Variants in MALRD1 observed in about 807,000 individuals in gnomAD.
The protein encoded by MALRD1 is MAM and LDL-receptor class A domain-containing protein 1.
A neutral mutation model predicts 242.1 loss-of-function variants in MALRD1; 247 were observed. The observed-to-expected ratio is 1.02, with a 90% CI of 0.92 to 1.13. MALRD1 has a LOEUF of 1.13. MALRD1 is among the 50% of genes most tolerant of loss of function. The probability of loss-of-function intolerance (pLI) is 0.00; values close to 1 mark genes in which losing one functional copy is unlikely to be tolerated. For synonymous variants in MALRD1, 995 were observed against 866.6 expected (o/e 1.15, Z -2.60); for missense variants, 2,989 against 2,533.1 (o/e 1.18, Z -3.86).
At chr10:19,427,686 T>C (rs1335886141) in intron 28 of MALRD1, among the ~76,000 whole-genome samples, 1 of 152,174 alleles carries the variant, frequency 6.6e-6, no homozygotes, top group Non-Finnish European at 1.5e-5. Flanking sequence ...TAATAGGGCT[T>C]CTAGGGGTTA....
intron 32 of MALRD1, among the ~76,000 whole-genome samples, chr10:19,531,684 A>G (rs1209912811): frequency 1.3e-5 from 2 of 152,232 alleles, no homozygotes; most frequent in Admixed American, 6.5e-5. Flanking sequence ...ATGTGATGTG[A>G]TGCATAATGG....
intron 19 of MALRD1, among the ~76,000 whole-genome samples, chr10:19,270,527 AAG>A (rs1479930884): frequency 2.0e-5 from 3 of 152,068 alleles, no homozygotes; most frequent in African/African-American, 7.2e-5. Context: ...GAGAGAAAAA[AAG>A]AGAGAGTATT....
intron 38 of MALRD1, among the ~76,000 whole-genome samples, chr10:19,704,124 CAGAATTTTTTTT>C (rs2131853586): frequency 8.3e-6 from 1 of 121,196 alleles, no homozygotes; most frequent in South Asian, 2.4e-4. Flanking sequence ...AGTTAAAAAT[CAGAATTTTTTTT>C]TAGCTATGCT....
intron 18 of MALRD1, among the ~76,000 whole-genome samples, chr10:19,250,939 T>A (rs941438817): frequency 1.3e-5 from 2 of 151,940 alleles, no homozygotes; most frequent in African/African-American, 4.8e-5. Flanking sequence ...TACATCTTTT[T>A]TGATTTCTCT....
intron 5 of MALRD1, among the ~76,000 whole-genome samples, chr10:19,105,312 C>T (rs1029694645): frequency 1.3e-5 from 2 of 151,906 alleles, no homozygotes; most frequent in African/African-American, 2.4e-5. Flanking sequence ...ATTCCAGATT[C>T]ATCCATATTG....
At chr10:19,314,946 A>G (rs1842581682) in intron 21 of MALRD1, among the ~76,000 whole-genome samples, 1 of 149,988 alleles carries the variant, frequency 6.7e-6, no homozygotes, top group African/African-American at 2.4e-5. Context: ...TTTATCAAGA[A>G]AATCTTGCTA....
In MALRD1 at chr10:19,527,094, C is replaced by T. The variant is rs191522996; in HGVS notation, c.5321-4100C>T. Among the ~76,000 whole-genome samples the T allele has an allele frequency of 7.2e-5, 11 of 152,154 alleles. No individual in the cohort carries two copies. In the East Asian group the frequency reaches 1.4e-3, roughly 19 times the overall value. ...TGTGCAGTAATTTTCCAAGTACCTG[C>T]GATGTTGTTAGAATATTTTTCAAGT... On this transcript the variant is annotated intron_variant, in intron 31 of 39. Transcript: ENST00000454679.
At chr10:19,113,305 A>T (rs1461176408) in intron 5 of MALRD1, among the ~76,000 whole-genome samples, 1 of 152,070 alleles carries the variant, frequency 6.6e-6, no homozygotes, top group Non-Finnish European at 1.5e-5. Context: ...GTCCTCCTTC[A>T]CAATTCCCCC....
At chr10:19,202,209 A>G (rs1199835133) in intron 14 of MALRD1, among the ~76,000 whole-genome samples, 1 of 152,028 alleles carries the variant, frequency 6.6e-6, no homozygotes, top group African/African-American at 2.4e-5. Context: ...TTGCATATTA[A>G]GTGTAGATGT....
intron 32 of MALRD1, among the ~76,000 whole-genome samples, chr10:19,544,841 CTA>C (rs1195873531): frequency 3.3e-5 from 5 of 152,064 alleles, no homozygotes; most frequent in Non-Finnish European, 7.4e-5. Flanking sequence ...TCAAGTAAAA[CTA>C]TGCATTTTAC....
intron 28 of MALRD1, among the ~76,000 whole-genome samples, chr10:19,431,346 T>G (rs1207650516): frequency 1.5e-5 from 2 of 134,836 alleles, no homozygotes; most frequent in Non-Finnish European, 3.2e-5. Flanking sequence ...TTCATTAGTA[T>G]AGTTTGAGAG....
At chr10:19,635,263 C>CA (rs1840077156) in intron 36 of MALRD1, among the ~76,000 whole-genome samples, 1 of 152,046 alleles carries the variant, frequency 6.6e-6, no homozygotes, top group Non-Finnish European at 1.5e-5. Flanking sequence ...CTCATGGTAA[C>CA]AGAGACAGAA....
intron 11 of MALRD1, among the ~76,000 whole-genome samples, chr10:19,148,662 G>A (rs1833808828): frequency 6.6e-6 from 1 of 151,304 alleles, no homozygotes; most frequent in Non-Finnish European, 1.5e-5. Flanking sequence ...TTTCCGGTGA[G>A]ATGAAGAATA....
At chr10:19,688,743 C>G (rs1842701726) in intron 36 of MALRD1, among the ~76,000 whole-genome samples, 1 of 152,340 alleles carries the variant, frequency 6.6e-6, no homozygotes, top group African/African-American at 2.4e-5. Context: ...ACACACCGTT[C>G]TAGCATGTGA....
chr10:19,133,539 C>A (rs1833195948), intron 8 of MALRD1, among the ~76,000 whole-genome samples: 1 of 152,044 alleles, frequency 6.6e-6, no homozygotes, highest in Non-Finnish European at 1.5e-5. Flanking sequence ...ATTTTAATTG[C>A]TGATCTTATT....
intron 38 of MALRD1, among the ~76,000 whole-genome samples, chr10:19,703,008 TGA>T (rs2131850873): frequency 6.6e-6 from 1 of 152,356 alleles, no homozygotes; most frequent in African/African-American, 2.4e-5. Flanking sequence ...GTTAGAGATT[TGA>T]TTTCCTGGAT....
chr10:19,394,063 A>G (rs1820839376), intron 28 of MALRD1, among the ~76,000 whole-genome samples: 1 of 152,226 alleles, frequency 6.6e-6, no homozygotes, highest in Non-Finnish European at 1.5e-5. Context: ...GAAGGTGTTC[A>G]GGACTATCCA....
At chr10:19,101,583 CTG>C (rs1564391821) in intron 4 of MALRD1, among the ~76,000 whole-genome samples, 1 of 132,334 alleles carries the variant, frequency 7.6e-6, no homozygotes, top group African/African-American at 2.8e-5. Flanking sequence ...TATATATAAT[CTG>C]TATATATAAT....
At position 19,066,716 on chromosome 10, in the gene MALRD1, T is replaced by G; in HGVS notation, c.200-3T>G. ...AAAACCAACTTTTCTTCTTTCTCAT[T>G]AGGTTTGAATTATGAAAGATGTGAT... On this transcript the variant is annotated splice_polypyrimidine_tract_variant and splice_region_variant and intron_variant, in intron 1 of 39. Transcript: ENST00000454679. 8.1e-7 allele frequency: 1 copy of G among 1,233,654 alleles called. No homozygotes were observed. The highest frequency in any genetic ancestry group is 1.0e-6 in the Non-Finnish European group (1 of 987,962). 76.4% of individuals were successfully genotyped at this position (1,233,654 alleles called of 1,614,324 possible).
Sources: allele counts gnomAD v4.1 joint callset (sites outside exome capture counted in the v4.1 genomes callset), GRCh38; gene constraint gnomAD v4.1.1; transcripts MANE v1.5; gene names NCBI Gene and HGNC (gene_info 2026-07-23, HGNC 2026-07-21).